Variants in WWOX observed in about 807,000 individuals in gnomAD.
WWOX encodes the protein WW domain containing oxidoreductase.
Under a neutral mutation model 46.2 loss-of-function variants are expected in WWOX, and 69 were observed. The ratio of observed to expected loss-of-function variants is 1.49; its 90% CI spans 1.23 to 1.82. The LOEUF (loss-of-function observed/expected upper bound fraction) is 1.82, where lower values mean the gene tolerates loss of function less well. Ranked by LOEUF, WWOX falls within the 40% of genes most tolerant of loss-of-function variation. The pLI is 0.00. For synonymous variants in WWOX, 359 were observed against 202.6 expected (o/e 1.77, Z -6.56); for missense variants, 919 against 542.6 (o/e 1.69, Z -6.89).
intron 8 of WWOX, among the ~76,000 whole-genome samples, chr16:78,798,919 C>G (rs2050813728): frequency 6.6e-6 from 1 of 152,142 alleles, no homozygotes; most frequent in African/African-American, 2.4e-5. Flanking sequence ...ACACCACTTG[C>G]TGCCAGTGGT....
At chr16:79,100,849 A>AG (rs2049177721) in intron 8 of WWOX, among the ~76,000 whole-genome samples, 1 of 151,878 alleles carries the variant, frequency 6.6e-6, no homozygotes, top group South Asian at 2.1e-4. Context: ...TTTAGAGCAG[A>AG]GGGCAGTGGA....
intron 8 of WWOX, among the ~76,000 whole-genome samples, chr16:78,795,505 C>G (rs914588864): frequency 2.0e-5 from 3 of 152,120 alleles, no homozygotes; most frequent in Non-Finnish European, 4.4e-5. Flanking sequence ...TACATCAAAC[C>G]TGGCTTCTTA....
intron 8 of WWOX, among the ~76,000 whole-genome samples, chr16:78,952,790 G>T (rs946140514): frequency 1.3e-5 from 2 of 152,154 alleles, no homozygotes; most frequent in Non-Finnish European, 2.9e-5. Flanking sequence ...CCCAGCAGAA[G>T]GCTTAGCTGT....
chr16:78,638,516 T>C (rs2046629746), intron 8 of WWOX, among the ~76,000 whole-genome samples: 1 of 152,190 alleles, frequency 6.6e-6, no homozygotes, highest in Admixed American at 6.5e-5. Flanking sequence ...TCTGCACTCC[T>C]TTTGTCTGGC....
chr16:78,233,344 C>A (rs1377189116), intron 5 of WWOX, among the ~76,000 whole-genome samples: 1 of 151,936 alleles, frequency 6.6e-6, no homozygotes, highest in South Asian at 2.1e-4. Flanking sequence ...ATGAGACCTA[C>A]CCTTTTAACA....
At chr16:79,127,942 C>T (rs1361121491) in intron 8 of WWOX, among the ~76,000 whole-genome samples, 1 of 152,108 alleles carries the variant, frequency 6.6e-6, no homozygotes, top group Non-Finnish European at 1.5e-5. Flanking sequence ...TGCAGTAGTC[C>T]ACATGACAGT....
chr16:78,432,736 C>T lies in WWOX; in HGVS notation c.1040C>T (p.Pro347Leu). 1 of 1,614,190 alleles carries T rather than the reference C, an allele frequency of 6.2e-7. No individual in the cohort carries two copies. Among genetic ancestry groups the T allele is most frequent in the Non-Finnish European group, 8.5e-7 (1 of 1,180,046 alleles). The change falls in exon 8 of 9, where the codon CCT (proline) becomes CTT (leucine). Residue 347 changes from proline to leucine, a missense_variant. Physicochemically the swap from Pro to Leu is moderately conservative, Grantham distance 98 (BLOSUM62 -3). Transcript: ENST00000566780. ...VYTLLFTLAR[P>L]FTKSMQQGAA... ...ACACTGCTGTTTACCTTGGCGAGGC[C>T]TTTCACCAAGTCCATGGTAAGAGAA...
rs529536421 is a variant in WWOX at position 79,198,173 on chromosome 16, A to C, written c.1057-13435A>C. 4.6e-5 allele frequency among the ~76,000 whole-genome samples: 7 copies of C among 150,642 alleles called. No individual in the cohort carries two copies. In the East Asian group the frequency reaches 1.2e-3, roughly 25 times the overall value. ...AACCCCGTCTCTACTAAAAAAAAAA[A>C]CAAAAACCACAAAAATTAGCTGGGC... On this transcript the variant is annotated intron_variant, in intron 8 of 8. Transcript: ENST00000566780.
intron 8 of WWOX, among the ~76,000 whole-genome samples, chr16:78,810,823 A>AGACAAATG (rs1597651739): frequency 1.3e-5 from 2 of 152,246 alleles, no homozygotes; most frequent in East Asian, 3.8e-4. Flanking sequence ...TCCCTAAAAA[A>AGACAAATG]GACAAATGAC....
At chr16:78,649,968 T>G (rs1567463505) in intron 8 of WWOX, among the ~76,000 whole-genome samples, 1 of 152,224 alleles carries the variant, frequency 6.6e-6, no homozygotes, top group Non-Finnish European at 1.5e-5. Context: ...TTATCTGTAA[T>G]TCTATGGAGG....
At position 79,211,984 on chromosome 16, in the gene WWOX, A is replaced by AAAGTG. The variant is rs199719257; in HGVS notation, c.*188_*189insAAGTG. 8 of 1,536,064 alleles carry AAAGTG rather than the reference A, an allele frequency of 5.2e-6. No homozygotes were observed. The highest frequency in any genetic ancestry group is 7.0e-6 in the Non-Finnish European group (8 of 1,146,886). The stretch of plus-strand genomic sequence containing the variant: ...AAGCAGGGAATTCCTGGGGTAAAGT[A>AAAGTG]TCACTTTTCTGGGGCTGGGCTAGGC... On this transcript the variant is annotated 3_prime_UTR_variant, in exon 9 of 9. Coordinates refer to ENST00000566780, the MANE Select transcript of WWOX (RefSeq NM_016373.4).
intron 8 of WWOX, among the ~76,000 whole-genome samples, chr16:78,959,395 C>T (rs187233093): frequency 3.2e-4 from 48 of 152,304 alleles, no homozygotes; most frequent in Non-Finnish European, 7.3e-5. Context: ...TGGAACTTGA[C>T]GTCCATTAGG....
At chr16:78,519,963 G>A (rs1356078808) in intron 8 of WWOX, among the ~76,000 whole-genome samples, 2 of 152,184 alleles carry the variant, frequency 1.3e-5, no homozygotes, top group Non-Finnish European at 2.9e-5. Context: ...ATAAAACATG[G>A]AATCATTCTA....
intron 6 of WWOX, among the ~76,000 whole-genome samples, chr16:78,390,594 G>A (rs182057037): frequency 6.6e-6 from 1 of 152,182 alleles, no homozygotes; most frequent in South Asian, 2.1e-4. Flanking sequence ...AAAAAAGCGA[G>A]AGATTTTACT....
intron 5 of WWOX, among the ~76,000 whole-genome samples, chr16:78,367,824 T>A (rs2081575185): frequency 6.6e-6 from 1 of 151,966 alleles, no homozygotes; most frequent in African/African-American, 2.4e-5. Flanking sequence ...TGGTGCAATC[T>A]CAGCTCACTG....
intron 8 of WWOX, among the ~76,000 whole-genome samples, chr16:78,775,929 A>C (rs1261288565): frequency 6.6e-6 from 1 of 152,214 alleles, no homozygotes; most frequent in East Asian, 1.9e-4. Context: ...AAGGTCAGTC[A>C]GTGGCCATCA....
At chr16:79,162,951 T>A (rs76698518) in intron 8 of WWOX, among the ~76,000 whole-genome samples, 3,581 of 152,282 alleles carry the variant, frequency 0.024, 100 homozygotes, top group East Asian at 0.15. Context: ...GAGAATGTTG[T>A]CCCCCAGAAA....
chr16:78,659,992 A>G (rs2142168457), intron 8 of WWOX, among the ~76,000 whole-genome samples: 1 of 152,312 alleles, frequency 6.6e-6, no homozygotes, highest in Middle Eastern at 3.4e-3. Flanking sequence ...GCTCATCAGT[A>G]CATTGTTAAT....
chr16:78,573,612 C>G (rs771349265), intron 8 of WWOX, among the ~76,000 whole-genome samples: 5 of 152,170 alleles, frequency 3.3e-5, no homozygotes, highest in African/African-American at 4.8e-5. Context: ...GCCCAGTGTA[C>G]TCTCTGTCTC....
Sources: allele counts gnomAD v4.1 joint callset (sites outside exome capture counted in the v4.1 genomes callset), GRCh38; gene constraint gnomAD v4.1.1; transcripts MANE v1.5; gene names NCBI Gene and HGNC (gene_info 2026-07-23, HGNC 2026-07-21).